The following PTPRT variants were observed in gnomAD, a reference collection of about 807,000 sequenced individuals.
The protein encoded by PTPRT is receptor-type tyrosine-protein phosphatase T.
A neutral mutation model predicts 176.8 loss-of-function variants in PTPRT; 56 were observed. The observed-to-expected ratio is 0.32, with a 90% CI of 0.26 to 0.40. The LOEUF (loss-of-function observed/expected upper bound fraction) is 0.40, where lower values mean the gene tolerates loss of function less well. Ranked by LOEUF, PTPRT falls within the 10% of genes least tolerant of loss-of-function variation. The pLI is 1.00. For missense variants in PTPRT, 1,540 were observed against 1,908.2 expected (o/e 0.81, Z 3.60); for synonymous variants, 783 against 739.0 (o/e 1.06, Z -0.96).
At chr20:42,899,192 C>T (rs2079356612) in intron 1 of PTPRT, among the ~76,000 whole-genome samples, 1 of 152,274 alleles carries the variant, frequency 6.6e-6, no homozygotes, top group Non-Finnish European at 1.5e-5. Flanking sequence ...TCTCACGCAA[C>T]AGTGCTATCT....
intron 7 of PTPRT, among the ~76,000 whole-genome samples, chr20:42,564,018 T>C (rs1233992229): frequency 6.6e-6 from 1 of 152,162 alleles, no homozygotes; most frequent in African/African-American, 2.4e-5. Flanking sequence ...ACCCTCTGTA[T>C]CTCACCATCA....
intron 14 of PTPRT, among the ~76,000 whole-genome samples, chr20:42,244,976 G>T (rs935991956): frequency 6.6e-5 from 10 of 152,206 alleles, no homozygotes; most frequent in Non-Finnish European, 1.3e-4. Context: ...GTTCTAAGGG[G>T]AGGAGGCAAG....
intron 7 of PTPRT, among the ~76,000 whole-genome samples, chr20:42,504,141 A>T (rs2071803660): frequency 6.6e-6 from 1 of 152,128 alleles, no homozygotes; most frequent in Non-Finnish European, 1.5e-5. Flanking sequence ...CTCAGTACCT[A>T]GAAGGATGCC....
At chr20:42,462,577 G>T (rs561828400) in intron 8 of PTPRT, among the ~76,000 whole-genome samples, 1 of 152,260 alleles carries the variant, frequency 6.6e-6, no homozygotes, top group African/African-American at 2.4e-5. Context: ...TGAATTTTTG[G>T]AGCTACAATA....
chr20:42,896,444 T>C (rs928943736), intron 1 of PTPRT, among the ~76,000 whole-genome samples: 3 of 152,092 alleles, frequency 2.0e-5, no homozygotes, highest in Admixed American at 1.3e-4. Context: ...GAGACCAGCC[T>C]GGCCAACATG....
intron 1 of PTPRT, among the ~76,000 whole-genome samples, chr20:42,962,970 G>A (rs771438709): frequency 8.5e-5 from 13 of 152,066 alleles, no homozygotes; most frequent in African/African-American, 1.9e-4. Context: ...AGGCTGAGGC[G>A]GGTGGATCAC....
At chr20:43,090,434 A>T (rs1426023630) in intron 1 of PTPRT, among the ~76,000 whole-genome samples, 1 of 151,918 alleles carries the variant, frequency 6.6e-6, no homozygotes, top group Non-Finnish European at 1.5e-5. Flanking sequence ...CGCCTGGCTA[A>T]TTTTTTTGTA....
chr20:43,006,189 T>C (rs530024881), intron 1 of PTPRT, among the ~76,000 whole-genome samples: 1 of 152,330 alleles, frequency 6.6e-6, no homozygotes, highest in Admixed American at 6.5e-5. Flanking sequence ...AGGATACATT[T>C]TTAAAACAGA....
At chr20:42,755,799 TG>T (rs1233931697) in intron 6 of PTPRT, among the ~76,000 whole-genome samples, 1 of 151,934 alleles carries the variant, frequency 6.6e-6, no homozygotes, top group African/African-American at 2.4e-5. Flanking sequence ...TGACTGCAAA[TG>T]GGGGGGTTTA....
intron 1 of PTPRT, among the ~76,000 whole-genome samples, chr20:42,945,360 G>A (rs1980815511): frequency 6.6e-6 from 1 of 152,122 alleles, no homozygotes; most frequent in Non-Finnish European, 1.5e-5. Flanking sequence ...GCTCTGGATA[G>A]TTTATCTCTG....
intron 1 of PTPRT, among the ~76,000 whole-genome samples, chr20:42,931,031 C>A (rs1979814885): frequency 6.6e-6 from 1 of 152,122 alleles, no homozygotes; most frequent in South Asian, 2.1e-4. Context: ...ATCTTAGCCA[C>A]CACCACCACC....
At position 42,101,451 on chromosome 20, in the gene PTPRT, G is replaced by T. The variant is rs139252005; in HGVS notation, c.3714+673C>A. On this transcript the variant is annotated intron_variant, in intron 26 of 30. Coordinates refer to ENST00000373187, the MANE Select transcript of PTPRT (RefSeq NM_007050.6). ...TGATAATCAGAAGTATCCGAAAAAC[G>T]CAGGGGAGAAGCTTAGGCTCGCTGG... is the stretch of plus-strand genomic sequence containing the variant. Among the ~76,000 whole-genome samples, 51 of 152,206 alleles carry T rather than the reference G, an allele frequency of 3.4e-4. No homozygotes were observed. The East Asian group carries it at 9.1e-3, about 27-fold the overall frequency.
intron 16 of PTPRT, 96 bp from the exon 17 acceptor site, chr20:42,161,638 GA>G: frequency 1.2e-5 from 15 of 1,260,634 alleles, no homozygotes; most frequent in Non-Finnish European, 1.6e-5. Flanking sequence ...AGGGCAGAGG[GA>G]ACCAACTTGG....
At chr20:43,070,805 T>C (rs571877930) in intron 1 of PTPRT, among the ~76,000 whole-genome samples, 6 of 151,420 alleles carry the variant, frequency 4.0e-5, no homozygotes, top group African/African-American at 1.5e-4. Flanking sequence ...AAGGGGAACA[T>C]CACACACTGG....
chr20:42,892,057 G>C (rs2079202369), intron 1 of PTPRT, among the ~76,000 whole-genome samples: 1 of 152,236 alleles, frequency 6.6e-6, no homozygotes, highest in South Asian at 2.1e-4. Flanking sequence ...AGGGGCTATA[G>C]TTTGCCAACC....
At chr20:43,107,681 A>G (rs2012675790) in intron 1 of PTPRT, among the ~76,000 whole-genome samples, 2 of 152,220 alleles carry the variant, frequency 1.3e-5, no homozygotes, top group African/African-American at 4.8e-5. Flanking sequence ...AAACAGGTTT[A>G]CACACTAGGG....
At chr20:43,000,637 A>G (rs561546555) in intron 1 of PTPRT, among the ~76,000 whole-genome samples, 1 of 152,352 alleles carries the variant, frequency 6.6e-6, no homozygotes, top group Non-Finnish European at 1.5e-5. Context: ...TTATAAAAAA[A>G]TCAAAACTTG....
intron 9 of PTPRT, among the ~76,000 whole-genome samples, chr20:42,426,545 G>A (rs1259991095): frequency 2.0e-5 from 3 of 152,192 alleles, no homozygotes; most frequent in African/African-American, 7.2e-5. Context: ...CAAGAACCCA[G>A]GTACTAAGAG....
the PTPRT span, among the ~76,000 whole-genome samples, chr20:42,033,841 A>G: frequency 6.6e-6 from 1 of 152,148 alleles, no homozygotes; most frequent in Non-Finnish European, 1.5e-5. Flanking sequence ...GATGCCACAG[A>G]ATGCCATTTT....
Sources: gnomAD v4.1 joint callset for allele counts (sites outside exome capture counted in the v4.1 genomes callset) on GRCh38, gnomAD v4.1.1 for gene constraint, MANE v1.5 for transcripts, NCBI Gene and HGNC (gene_info 2026-07-23, HGNC 2026-07-21) for gene names.